MGST1: variants seen among roughly 807,000 people sequenced by gnomAD.
The protein encoded by MGST1 is glutathione S-transferase 12.
MGST1 carries 5 observed loss-of-function variants against 8.9 expected under a neutral mutation model. The observed-to-expected ratio is 0.56, with a 90% CI of 0.29 to 1.19. The LOEUF is 1.19. Among genes scored for constraint, MGST1 ranks in the 50% most tolerant of loss-of-function variants. The probability of loss-of-function intolerance (pLI) is 0.08; values close to 1 mark genes in which losing one functional copy is unlikely to be tolerated. For synonymous variants in MGST1, 54 were observed against 67.8 expected (o/e 0.80, Z 1.00); for missense variants, 182 against 187.4 (o/e 0.97, Z 0.17).
At position 16,354,269 on chromosome 12, in the gene MGST1, A is replaced by G. The variant is rs769152339; in HGVS notation, c.17A>G (p.Gln6Arg). Reference protein sequence around the residue: MVDLTQVMDDEVFMAF... With the variant: MVDLTRVMDDEVFMAF... ...ATTGAAAAAATGGTTGACCTCACCC[A>G]GGTAATGGATGATGAAGTATTCATG... is the stretch of plus-strand genomic sequence containing the variant. The change falls in exon 2 of 4, where the codon CAG becomes CGG. Residue 6 changes from glutamine (Q) to arginine (R), a missense_variant. Gln to Arg is a conservative substitution (Grantham distance 43). Coordinates refer to ENST00000396210, the MANE Select transcript of MGST1 (RefSeq NM_020300.5). The G allele has an allele frequency of 6.3e-6, 10 of 1,593,532 alleles. No individual in the cohort carries two copies. Among genetic ancestry groups the G allele is most frequent in the Middle Eastern group, 1.7e-4 (1 of 6,046 alleles).
chr12:16,495,169 A>T (rs185807716), intron 4 of MGST1, among the ~76,000 whole-genome samples: 39 of 152,264 alleles, frequency 2.6e-4, no homozygotes, highest in Admixed American at 8.5e-4. Context: ...ATGCTGCAAC[A>T]TGGATGAAAC....
intron 4 of MGST1, among the ~76,000 whole-genome samples, chr12:16,542,200 G>C (rs918132024): frequency 6.6e-6 from 1 of 152,144 alleles, no homozygotes; most frequent in African/African-American, 2.4e-5. Flanking sequence ...AAAATGGTGT[G>C]AAATGGCTAT....
rs1441797344 is a variant in MGST1, at chr12:16,394,532, TTCTTTCTTTCTTTC to T, written n.778+10930_778+10943del. ...TCTCTCCCTTTCTTTCTTTCTTTCT[TTCTTTCTTTCTTTC>T]TTTCTTTCTTTCTTTCTTTCTTTCT... On this transcript the variant is annotated intron_variant and non_coding_transcript_variant, in intron 1 of 1. Transcript: ENST00000359720. Among the ~76,000 whole-genome samples the T allele has an allele frequency of 2.3e-3, 167 of 71,198 alleles. 7 individuals carry two copies. In the East Asian group the frequency reaches 0.045, roughly 19 times the overall value. The allele number at this position is 71,198 out of a possible 152,430, so 46.7% of individuals were successfully genotyped here.
intron 4 of MGST1, among the ~76,000 whole-genome samples, chr12:16,568,592 C>T (rs1309784999): frequency 6.6e-6 from 1 of 151,662 alleles, no homozygotes; most frequent in Admixed American, 6.6e-5. Context: ...AAGCTTAGCA[C>T]AAAAAAGAAA....
At chr12:16,525,520 C>T (rs1390770496) in intron 4 of MGST1, among the ~76,000 whole-genome samples, 82 of 148,112 alleles carry the variant, frequency 5.5e-4, no homozygotes, top group Middle Eastern at 3.5e-3. Context: ...ATATGTGCCA[C>T]ATTTTCTTAA....
chr12:16,450,233 C>T (rs932527464), intron 4 of MGST1, among the ~76,000 whole-genome samples: 3 of 151,880 alleles, frequency 2.0e-5, no homozygotes, highest in East Asian at 1.9e-4. Flanking sequence ...ATTGGTTGCA[C>T]GGATAACCCT....
In MGST1 at chr12:16,361,710, A is replaced by T. The variant is rs1940004738; in HGVS notation, c.222-2085A>T. On this transcript the variant is annotated intron_variant, in intron 3 of 3. Transcript: ENST00000396210. The surrounding 1 kb of genome is among the most constrained non-coding windows in gnomAD (Gnocchi z 4.2). ...GAGTCTCAAAAGAAGTACAAAATAC[A>T]GCATAAATTGGCATAAGTATGAGGG... 6.6e-6 allele frequency among the ~76,000 whole-genome samples: 1 copy of T among 152,216 alleles called. No individual in the cohort carries two copies. The highest frequency in any genetic ancestry group is 1.5e-5 in the Non-Finnish European group (1 of 68,034).
chr12:16,445,069 G>T (rs1008414955), intron 4 of MGST1, among the ~76,000 whole-genome samples: 2 of 151,522 alleles, frequency 1.3e-5, no homozygotes, highest in Admixed American at 1.3e-4. Context: ...TTGATTTTGA[G>T]TAGAAAACCG....
At chr12:16,412,880 C>T (rs750871438) in intron 1 of MGST1, among the ~76,000 whole-genome samples, 5 of 152,096 alleles carry the variant, frequency 3.3e-5, no homozygotes, top group Non-Finnish European at 5.9e-5. Flanking sequence ...CAGAGCCCTC[C>T]TCAAAAACAG....
At chr12:16,511,445 T>C (rs367804577) in intron 4 of MGST1, among the ~76,000 whole-genome samples, 2 of 152,222 alleles carry the variant, frequency 1.3e-5, no homozygotes, top group African/African-American at 4.8e-5. Flanking sequence ...TTTTTTGCTT[T>C]CAAGGATCTA....
In MGST1 at chr12:16,410,369, T is replaced by A. The variant is rs1940732111; in HGVS notation, n.778+26765T>A. Reference sequence around the variant, plus strand: ...AATACACTTAACTCTTCCTGTTTCTTCTTCCATCTCTCCAGTTCAAGTTCC... The same window carrying A: ...AATACACTTAACTCTTCCTGTTTCTACTTCCATCTCTCCAGTTCAAGTTCC... On this transcript the variant is annotated intron_variant and non_coding_transcript_variant, in intron 1 of 1. Coordinates refer to the MGST1 transcript ENST00000359720. This position sits in a 1 kb window ranked among gnomAD's most constrained non-coding sequence, Gnocchi z 4.4. Among the ~76,000 whole-genome samples, 1 of 152,080 alleles carries A rather than the reference T, an allele frequency of 6.6e-6. No homozygotes were observed. The highest frequency in any genetic ancestry group is 1.5e-5 in the Non-Finnish European group (1 of 68,012).
chr12:16,494,344 C>G (rs1228805057), intron 4 of MGST1, among the ~76,000 whole-genome samples: 1 of 152,112 alleles, frequency 6.6e-6, no homozygotes, highest in Admixed American at 6.6e-5. Flanking sequence ...ACCTTCTTCT[C>G]AGAGGATTTA....
chr12:16,499,920 T>C (rs1941494776), intron 4 of MGST1, among the ~76,000 whole-genome samples: 1 of 152,082 alleles, frequency 6.6e-6, no homozygotes, highest in Admixed American at 6.6e-5. Context: ...TTAAAACAAA[T>C]CGGTCAAGTT....
At chr12:16,423,845 A>G (rs116297300) in intron 1 of MGST1, among the ~76,000 whole-genome samples, 1 of 152,164 alleles carries the variant, frequency 6.6e-6, no homozygotes, top group Non-Finnish European at 1.5e-5. Flanking sequence ...TGGCAGGTAC[A>G]TTCTCACCAG....
At chr12:16,375,086 A>G (rs1004349525) in intron 3 of MGST1, among the ~76,000 whole-genome samples, 2 of 151,990 alleles carry the variant, frequency 1.3e-5, no homozygotes, top group African/African-American at 4.8e-5. Flanking sequence ...TTGCTATGTT[A>G]CCCAGTCTGG....
chr12:16,463,112 A>C (rs1260545593), intron 4 of MGST1, among the ~76,000 whole-genome samples: 1 of 152,156 alleles, frequency 6.6e-6, no homozygotes, highest in African/African-American at 2.4e-5. Flanking sequence ...TTTCTTAAAA[A>C]ACTAAGCAAA....
chr12:16,539,852 A>T (rs1421521597), intron 4 of MGST1, among the ~76,000 whole-genome samples: 5 of 152,206 alleles, frequency 3.3e-5, no homozygotes, highest in Admixed American at 3.3e-4. Flanking sequence ...AGATTTGGAG[A>T]CTACTATTTC....
At chr12:16,373,820 C>T (rs1438072214) in intron 3 of MGST1, among the ~76,000 whole-genome samples, 1 of 151,982 alleles carries the variant, frequency 6.6e-6, no homozygotes, top group Admixed American at 6.6e-5. Flanking sequence ...TTCTATATGG[C>T]TTGGTATATA....
At chr12:16,392,807 TGATAGATATATA>T (rs1442983082) in intron 1 of MGST1, among the ~76,000 whole-genome samples, 3 of 152,088 alleles carry the variant, frequency 2.0e-5, no homozygotes, top group Non-Finnish European at 4.4e-5. Context: ...TGTATACATA[TGATAGATATATA>T]GATAGATTGA....
Sources: gnomAD v4.1 joint callset for allele counts (sites outside exome capture counted in the v4.1 genomes callset) on GRCh38, gnomAD v4.1.1 for gene constraint, Gnocchi (gnomAD v3.1) non-coding constraint, MANE v1.5 for transcripts, NCBI Gene and HGNC (gene_info 2026-07-23, HGNC 2026-07-21) for gene names.